RIT2: variants seen among roughly 807,000 people sequenced by gnomAD.
RIT2 encodes GTP-binding protein Rit2.
RIT2 carries 24 observed loss-of-function variants against 23.7 expected under a neutral mutation model. The ratio of observed to expected loss-of-function variants is 1.01; its 90% CI spans 0.73 to 1.43. The LOEUF is 1.43. Among genes scored for constraint, RIT2 ranks in the 40% most tolerant of loss-of-function variants. The pLI is 0.00. For missense variants in RIT2, 236 were observed against 266.9 expected, an observed-to-expected ratio of 0.88 and a Z score of 0.81; for synonymous variants, 107 against 91.1, an observed-to-expected ratio of 1.17 and a Z score of -0.99.
At chr18:42,804,293 C>A (rs1405192199) in intron 4 of RIT2, among the ~76,000 whole-genome samples, 7 of 152,078 alleles carry the variant, frequency 4.6e-5, no homozygotes, top group Non-Finnish European at 1.0e-4. Context: ...GTGGCTCAAG[C>A]TTGTAATCTC....
chr18:42,943,113 G>A (rs1330675206), intron 3 of RIT2, among the ~76,000 whole-genome samples: 2 of 152,100 alleles, frequency 1.3e-5, no homozygotes, highest in Non-Finnish European at 2.9e-5. Flanking sequence ...GACCCGAACA[G>A]GTTGCCACTG....
At chr18:42,812,046 G>T (rs192119602) in intron 4 of RIT2, among the ~76,000 whole-genome samples, 11 of 152,258 alleles carry the variant, frequency 7.2e-5, no homozygotes, top group African/African-American at 2.6e-4. Flanking sequence ...TATGCAAGAT[G>T]TATGGTAAGT....
intron 2 of RIT2, among the ~76,000 whole-genome samples, chr18:43,019,861 C>A (rs961380327): frequency 6.6e-6 from 1 of 151,032 alleles, no homozygotes; most frequent in African/African-American, 2.4e-5. Flanking sequence ...AATCAACATA[C>A]AAAAATCAAT....
chr18:42,949,621 C>T (rs1490445407), intron 3 of RIT2, among the ~76,000 whole-genome samples: 1 of 152,050 alleles, frequency 6.6e-6, no homozygotes, highest in Non-Finnish European at 1.5e-5. Context: ...TATGAGAAAT[C>T]TCTCTTCATA....
chr18:42,937,369 G>T (rs1909486222), intron 3 of RIT2, among the ~76,000 whole-genome samples: 1 of 152,072 alleles, frequency 6.6e-6, no homozygotes. Context: ...TTGAAAACAT[G>T]CCTGCTTCTA....
At chr18:42,757,427 T>G (rs1913189569) in intron 4 of RIT2, among the ~76,000 whole-genome samples, 1 of 152,146 alleles carries the variant, frequency 6.6e-6, no homozygotes, top group Admixed American at 6.6e-5. Context: ...CCCAGAGGTA[T>G]CTTGGGCTCC....
chr18:42,787,520 A>C (rs1157456969), intron 4 of RIT2, among the ~76,000 whole-genome samples: 2 of 152,204 alleles, frequency 1.3e-5, no homozygotes, highest in Non-Finnish European at 2.9e-5. Context: ...TCTGAAGCTC[A>C]AGCTATGTTT....
chr18:43,072,383 C>T (rs952742962), intron 1 of RIT2, among the ~76,000 whole-genome samples: 2 of 152,126 alleles, frequency 1.3e-5, no homozygotes, highest in African/African-American at 4.8e-5. Flanking sequence ...TTGCTTATGA[C>T]ACTGTTGGCA....
intron 4 of RIT2, among the ~76,000 whole-genome samples, chr18:42,816,172 C>T (rs1905992798): frequency 1.3e-5 from 2 of 152,018 alleles, no homozygotes; most frequent in Middle Eastern, 3.2e-3. Flanking sequence ...TGTAGTTTGC[C>T]AGTTTCCATG....
chr18:42,861,978 A>C (rs1391077173), intron 4 of RIT2, among the ~76,000 whole-genome samples: 1 of 152,152 alleles, frequency 6.6e-6, no homozygotes, highest in African/African-American at 2.4e-5. Flanking sequence ...CCTACCTTCT[A>C]TCCTGGATGT....
intron 2 of RIT2, among the ~76,000 whole-genome samples, chr18:43,021,249 T>C (rs1911590438): frequency 6.6e-6 from 1 of 152,050 alleles, no homozygotes; most frequent in South Asian, 2.1e-4. Context: ...TCTCAATAGA[T>C]GACACGCAAA....
At chr18:42,940,629 A>G (rs1413285061) in intron 3 of RIT2, among the ~76,000 whole-genome samples, 1 of 152,036 alleles carries the variant, frequency 6.6e-6, no homozygotes, top group Non-Finnish European at 1.5e-5. Context: ...AACACATGTC[A>G]TATAAAGTCC....
At chr18:42,943,489 C>T (rs1387624681) in intron 3 of RIT2, among the ~76,000 whole-genome samples, 1 of 152,048 alleles carries the variant, frequency 6.6e-6, no homozygotes, top group African/African-American at 2.4e-5. Context: ...AATACTTATT[C>T]CTTGATTTAT....
rs13381395 is a variant in RIT2, at chr18:42,869,185, G to T, written c.426+54387C>A. On this transcript the variant is annotated intron_variant, in intron 4 of 4. Transcript: ENST00000326695. ...TTTTCTGTGGATGGTGGTGGGTATG[G>T]TTTCAGGATGAAACTGTTCCACTTC... Among the ~76,000 whole-genome samples the T allele has an allele frequency of 4.9e-3, 751 of 152,280 alleles. 4 individuals carry two copies. The highest frequency in any genetic ancestry group is 0.017 in the African/African-American group (717 of 41,552).
intron 2 of RIT2, among the ~76,000 whole-genome samples, chr18:42,990,746 T>C: frequency 6.6e-6 from 1 of 152,162 alleles, no homozygotes; most frequent in East Asian, 1.9e-4. Flanking sequence ...TTGTGATGCT[T>C]ATTTAATTTG....
rs762549730 is a variant in RIT2 at position 42,743,703 on chromosome 18, G to A, written c.444C>T (p.Gly148=). 5 of 1,611,658 alleles carry A rather than the reference G, an allele frequency of 3.1e-6. No individual in the cohort carries two copies. The Admixed American group carries it at 5.0e-5, about 16-fold the overall frequency. Residue 148 remains glycine, a synonymous_variant, in exon 5 of 5, where the codon GGC becomes GGT. Transcript: ENST00000326695. ...AATTATATTCTTGGGCAAGACTCAA[G>A]CCTTCTTCTGTAGAAACCTAAGGAA... ...EQFRQVSTEE[G]LSLAQEYNCG...
chr18:43,107,435 G>A lies in RIT2; in HGVS notation c.103+7982C>T, dbSNP rs556682436. 3.3e-5 allele frequency among the ~76,000 whole-genome samples: 5 copies of A among 152,080 alleles called. 1 individual carries two copies. The highest frequency in any genetic ancestry group is 4.2e-4 in the South Asian group (2 of 4,814). On this transcript the variant is annotated intron_variant, in intron 1 of 4. Coordinates refer to ENST00000326695, the MANE Select transcript of RIT2 (RefSeq NM_002930.4). ...TCTAGGCGTGCACGCGTGCGTGCAC[G>A]CATACACACACAAACACTCTTTTGT...
chr18:42,905,146 A>G (rs1368194926), intron 4 of RIT2, among the ~76,000 whole-genome samples: 1 of 152,182 alleles, frequency 6.6e-6, no homozygotes, highest in Non-Finnish European at 1.5e-5. Context: ...AGAAACATTC[A>G]TAATGGGATT....
chr18:43,049,975 T>TG (rs1326752863), intron 1 of RIT2, among the ~76,000 whole-genome samples: 122 of 16,728 alleles, frequency 7.3e-3, no homozygotes, highest in African/African-American at 0.012. Flanking sequence ...GGATTTCCTT[T>TG]TTTTTTTTTT....
Sources: allele counts gnomAD v4.1 joint callset (sites outside exome capture counted in the v4.1 genomes callset), GRCh38; gene constraint gnomAD v4.1.1; transcripts MANE v1.5; gene names NCBI Gene and HGNC (gene_info 2026-07-23, HGNC 2026-07-21).